Variants in CSTF3 observed in about 807,000 individuals in gnomAD.
The protein encoded by CSTF3 is cleavage stimulation factor subunit 3, also known as CF-1 77 kDa subunit.
In CSTF3, 29 loss-of-function variants were observed where a neutral mutation model predicts 105.8. That is an observed-to-expected ratio of 0.27 (90% CI 0.20 to 0.37). CSTF3 has a LOEUF of 0.37. Ranked by LOEUF, CSTF3 falls within the 10% of genes least tolerant of loss-of-function variation. CSTF3 has a pLI of 1.00. For missense variants in CSTF3, 357 were observed against 879.3 expected (o/e 0.41, Z 7.51); for synonymous variants, 252 against 281.9 (o/e 0.89, Z 1.06).
At chr11:33,137,885 T>C (rs1287011118) in intron 3 of CSTF3, among the ~76,000 whole-genome samples, 3 of 151,816 alleles carry the variant, frequency 2.0e-5, no homozygotes, top group Admixed American at 2.0e-4. Context: ...AACATTATAA[T>C]ACAGTAATTT....
intron 3 of CSTF3, among the ~76,000 whole-genome samples, chr11:33,108,807 T>C (rs1282831890): frequency 6.6e-6 from 1 of 152,154 alleles, no homozygotes; most frequent in Non-Finnish European, 1.5e-5. Flanking sequence ...AAAAAAGATA[T>C]GCAAATTTGG....
intron 18 of CSTF3, 121 bp downstream of exon 18, chr11:33,086,867 G>C: frequency 9.1e-7 from 1 of 1,103,322 alleles, no homozygotes; most frequent in South Asian, 1.3e-5. Context: ...ACTTGTCATA[G>C]TGATCCTAAG....
chr11:33,138,047 TATAA>T, intron 3 of CSTF3, among the ~76,000 whole-genome samples: 1 of 151,872 alleles, frequency 6.6e-6, no homozygotes, highest in Admixed American at 6.6e-5. Flanking sequence ...ACCCATTATT[TATAA>T]GGAAGGAAAA....
intron 3 of CSTF3, among the ~76,000 whole-genome samples, chr11:33,123,304 C>T (rs1247990169): frequency 2.0e-5 from 3 of 151,798 alleles, no homozygotes; most frequent in Non-Finnish European, 4.4e-5. Context: ...AAATGAAAAC[C>T]ACACTGAGAG....
chr11:33,156,236 T>C (rs1849863936), intron 1 of CSTF3, among the ~76,000 whole-genome samples: 1 of 152,164 alleles, frequency 6.6e-6, no homozygotes, highest in Admixed American at 6.5e-5. Flanking sequence ...GGAAGGGCTG[T>C]TACAGAAAGA....
At chr11:33,159,595 C>CAAAAAA (rs71034656) in intron 1 of CSTF3, among the ~76,000 whole-genome samples, 20 of 37,944 alleles carry the variant, frequency 5.3e-4, no homozygotes, top group African/African-American at 1.5e-3. Flanking sequence ...GGCTCCATCT[C>CAAAAAA]AAAAAAAAAA....
intron 1 of CSTF3, among the ~76,000 whole-genome samples, chr11:33,148,860 GT>G (rs551371475): frequency 0.11 from 14,691 of 133,600 alleles, 2,448 homozygotes; most frequent in African/African-American, 0.37. Flanking sequence ...CTGTTGCTGT[GT>G]TTTTTTTTTT....
intron 1 of CSTF3, among the ~76,000 whole-genome samples, chr11:33,152,795 C>T (rs1306071176): frequency 6.6e-6 from 1 of 151,980 alleles, no homozygotes; most frequent in Non-Finnish European, 1.5e-5. Flanking sequence ...CCTGTCTCTA[C>T]TAAAAATACA....
chr11:33,131,632 G>T (rs1014005816), intron 3 of CSTF3, among the ~76,000 whole-genome samples: 1 of 152,028 alleles, frequency 6.6e-6, no homozygotes, highest in Non-Finnish European at 1.5e-5. Context: ...GGATCACGAG[G>T]TCAGGAGATC....
At chr11:33,108,359 TA>T in intron 4 of CSTF3, 26 bp downstream of exon 4, 3 of 1,450,726 alleles carry the variant, frequency 2.1e-6, no homozygotes, top group South Asian at 1.4e-5. Context: ...AACTTCAATA[TA>T]AAATTCAAAG....
intron 3 of CSTF3, among the ~76,000 whole-genome samples, chr11:33,127,287 T>A (rs983049847): frequency 1.3e-5 from 2 of 152,200 alleles, no homozygotes; most frequent in Non-Finnish European, 2.9e-5. Flanking sequence ...AAAACCTGAT[T>A]CTTAAACATA....
chr11:33,139,955 G>A (rs570572147), intron 3 of CSTF3, among the ~76,000 whole-genome samples: 33 of 152,106 alleles, frequency 2.2e-4, no homozygotes, highest in African/African-American at 7.9e-4. Context: ...CAAACCCATT[G>A]TGTTCAGAGT....
rs1855083375 is a variant in CSTF3, at chr11:33,084,618, TA to T, written c.*468del. 1 of 155,776 alleles carries T rather than the reference TA, an allele frequency of 6.4e-6. No homozygotes were observed. The highest frequency in any genetic ancestry group is 1.4e-5 in the Non-Finnish European group (1 of 69,906). 9.6% of individuals were successfully genotyped at this position (155,776 alleles called of 1,614,324 possible). ...ATCCTTTTATTTTTTAAAGGACTTT[TA>T]AAATTTGAAACTACAAAACGGATTT... On this transcript the variant is annotated 3_prime_UTR_variant, in exon 21 of 21. Transcript: ENST00000323959.
chr11:33,150,739 C>T (rs917823638), intron 1 of CSTF3, among the ~76,000 whole-genome samples: 1 of 151,818 alleles, frequency 6.6e-6, no homozygotes, highest in Non-Finnish European at 1.5e-5. Flanking sequence ...ATCTGTAATC[C>T]CAGCTACTTG....
At chr11:33,130,108 G>A (rs184835466) in intron 3 of CSTF3, among the ~76,000 whole-genome samples, 438 of 152,268 alleles carry the variant, frequency 2.9e-3, no homozygotes, top group African/African-American at 0.01. Context: ...TTTAAATACA[G>A]AGCTAGATAT....
At chr11:33,152,386 C>T (rs780808862) in intron 1 of CSTF3, among the ~76,000 whole-genome samples, 24 of 152,340 alleles carry the variant, frequency 1.6e-4, no homozygotes, top group Non-Finnish European at 2.9e-4. Context: ...GCCTCAGCCT[C>T]CCAAATAGCT....
At position 33,098,052 on chromosome 11, in the gene CSTF3, T is replaced by C. The variant is rs570556791; in HGVS notation, c.1128+638A>G. On this transcript the variant is annotated intron_variant, in intron 13 of 20. Transcript: ENST00000323959. Reference sequence around the variant, plus strand: ...AATGAATTATAAGATGATGAATAAATGTAGGAATTATAGCAGTGGAATCCC... The same window carrying C: ...AATGAATTATAAGATGATGAATAAACGTAGGAATTATAGCAGTGGAATCCC... 4.6e-5 allele frequency among the ~76,000 whole-genome samples: 7 copies of C among 152,274 alleles called. No individual in the cohort carries two copies. In the South Asian group the frequency reaches 1.5e-3, roughly 32 times the overall value.
chr11:33,105,542 AAAC>A, intron 8 of CSTF3, 22 bp downstream of exon 8: 1 of 1,582,900 alleles, frequency 6.3e-7, no homozygotes, highest in Non-Finnish European at 8.6e-7. Flanking sequence ...GGTTTATAAT[AAAC>A]AACTACTCTG....
chr11:33,138,405 T>C (rs1855677294), intron 3 of CSTF3, among the ~76,000 whole-genome samples: 1 of 151,852 alleles, frequency 6.6e-6, no homozygotes, highest in Non-Finnish European at 1.5e-5. Flanking sequence ...CAAAATTCTG[T>C]AGGTTTTCTC....
Sources: allele counts gnomAD v4.1 joint callset (sites outside exome capture counted in the v4.1 genomes callset), GRCh38; gene constraint gnomAD v4.1.1; transcripts MANE v1.5; gene names NCBI Gene and HGNC (gene_info 2026-07-23, HGNC 2026-07-21).